ACMSD: variants seen among roughly 807,000 people sequenced by gnomAD.
ACMSD encodes the protein aminocarboxymuconate semialdehyde decarboxylase.
Under a neutral mutation model 45.9 loss-of-function variants are expected in ACMSD, and 37 were observed. The ratio of observed to expected loss-of-function variants is 0.81; its 90% CI spans 0.62 to 1.06. The LOEUF is 1.06. ACMSD is among the 50% of genes least tolerant of loss of function. ACMSD has a pLI of 0.00. For synonymous variants in ACMSD, 138 were observed against 148.8 expected (o/e 0.93, Z 0.53); for missense variants, 434 against 420.9 (o/e 1.03, Z -0.27).
chr2:134,867,800 CACTT>C, intron 6 of ACMSD, 128 bp downstream of exon 6: 1 of 635,280 alleles, frequency 1.6e-6, no homozygotes, highest in Non-Finnish European at 2.7e-6. Flanking sequence ...TAGCAGCTAT[CACTT>C]ACTGAGCTCT....
rs144211190 is a variant in ACMSD, at chr2:134,859,334, G to A, written c.176G>A (p.Arg59His). The A allele has an allele frequency of 2.2e-5, 35 of 1,613,912 alleles. No homozygotes were observed. Among genetic ancestry groups the A allele is most frequent in the Admixed American group, 5.0e-5 (3 of 60,002 alleles). The change falls in exon 3 of 10, where the codon CGT (arginine) becomes CAT (histidine). Residue 59 changes from arginine (R) to histidine (H), a missense_variant. By Grantham distance (29) the Arg-to-His change is conservative. Transcript: ENST00000356140. Reference sequence around the variant, plus strand: ...GAGAATTGCTGGGATCCAGAAGTTCGTATTAGAGAAATGGACCAAAAAGGT... The same window carrying A: ...GAGAATTGCTGGGATCCAGAAGTTCATATTAGAGAAATGGACCAAAAAGGT... ...VRENCWDPEV[R>H]IREMDQKGVT...
chr2:134,876,143 G>A (rs1252933401), intron 8 of ACMSD, among the ~76,000 whole-genome samples: 1 of 152,158 alleles, frequency 6.6e-6, no homozygotes, highest in Non-Finnish European at 1.5e-5. Context: ...GTTGCTCTGG[G>A]TGAGTCAGTA....
intron 8 of ACMSD, among the ~76,000 whole-genome samples, chr2:134,877,054 T>A (rs1189779617): frequency 6.6e-6 from 1 of 152,216 alleles, no homozygotes; most frequent in Non-Finnish European, 1.5e-5. Flanking sequence ...ATTACAGGCA[T>A]GAGCCACTGC....
At chr2:134,896,560 C>A (rs1690162822) in intron 8 of ACMSD, among the ~76,000 whole-genome samples, 2 of 152,100 alleles carry the variant, frequency 1.3e-5, no homozygotes, top group Non-Finnish European at 1.5e-5. Flanking sequence ...AGATGTTCAA[C>A]ATAATTACTT....
chr2:134,843,207 G>A (rs1472490091), intron 1 of ACMSD, among the ~76,000 whole-genome samples: 1 of 152,154 alleles, frequency 6.6e-6, no homozygotes, highest in Admixed American at 6.5e-5. Context: ...GGCATTGAAT[G>A]CATGAAGGGT....
At chr2:134,882,702 A>G (rs757049708) in intron 8 of ACMSD, among the ~76,000 whole-genome samples, 9 of 152,364 alleles carry the variant, frequency 5.9e-5, no homozygotes, top group Non-Finnish European at 1.0e-4. Flanking sequence ...ATAACAGAGT[A>G]TGCTGTATTT....
intron 8 of ACMSD, among the ~76,000 whole-genome samples, chr2:134,880,198 T>C (rs556973794): frequency 6.2e-4 from 94 of 152,220 alleles, no homozygotes; most frequent in African/African-American, 2.2e-3. Context: ...TGTTGGGTAA[T>C]GCAATGACAT....
intron 1 of ACMSD, among the ~76,000 whole-genome samples, chr2:134,843,417 G>C (rs1426964626): frequency 6.6e-6 from 1 of 152,198 alleles, no homozygotes; most frequent in Non-Finnish European, 1.5e-5. Context: ...AATAAGACTG[G>C]TATAGAATTA....
At chr2:134,892,178 A>G (rs1190117406) in intron 8 of ACMSD, among the ~76,000 whole-genome samples, 1 of 152,090 alleles carries the variant, frequency 6.6e-6, no homozygotes, top group Non-Finnish European at 1.5e-5. Flanking sequence ...CTTCACCATT[A>G]TGCAATATCT....
intron 8 of ACMSD, among the ~76,000 whole-genome samples, chr2:134,886,246 A>ATTATTATTTTGTTTTTTTTTTTTTTTTT: frequency 8.7e-6 from 1 of 115,476 alleles, no homozygotes; most frequent in African/African-American, 3.6e-5. Context: ...TATTATTATT[A>ATTATTATTTTGTTTTTTTTTTTTTTTTT]TTTTTTTTTT....
rs1017337774 is a variant in ACMSD, at chr2:134,871,014, A to G, written c.630A>G (p.Gly210=). The G allele has an allele frequency of 1.9e-6, 3 of 1,614,058 alleles. No homozygotes were observed. In the African/African-American group the frequency reaches 4.0e-5, roughly 22 times the overall value. The change falls in exon 7 of 10, where the codon GGA becomes GGG. Residue 210 remains glycine (G), a synonymous_variant. Transcript: ENST00000356140. The part of the protein sequence containing the change: ...TIAICSMIMG[G]VFEKFPKLKV... ...CCATTTGCTCCATGATCATGGGTGGAGTATTTGAGAAGTTTCCCAAACTGA... is the reference window on the plus strand; with the variant it reads ...CCATTTGCTCCATGATCATGGGTGGGGTATTTGAGAAGTTTCCCAAACTGA...
At chr2:134,878,367 T>C (rs1169031801) in intron 8 of ACMSD, among the ~76,000 whole-genome samples, 2 of 152,170 alleles carry the variant, frequency 1.3e-5, no homozygotes, top group African/African-American at 4.8e-5. Context: ...TGCTCTGTCA[T>C]CCTGGCTGGA....
intron 5 of ACMSD, among the ~76,000 whole-genome samples, chr2:134,865,339 A>G (rs1490414862): frequency 6.6e-6 from 1 of 152,224 alleles, no homozygotes; most frequent in Non-Finnish European, 1.5e-5. Context: ...TATGCATCCA[A>G]GTTGTTTCAG....
At chr2:134,884,666 T>C (rs1026937691) in intron 8 of ACMSD, among the ~76,000 whole-genome samples, 2 of 152,178 alleles carry the variant, frequency 1.3e-5, no homozygotes, top group Non-Finnish European at 2.9e-5. Flanking sequence ...TTTGGGACTT[T>C]AGGACTATTA....
intron 2 of ACMSD, among the ~76,000 whole-genome samples, chr2:134,849,304 T>C (rs1687220689): frequency 6.6e-6 from 1 of 152,048 alleles, no homozygotes; most frequent in Non-Finnish European, 1.5e-5. Context: ...ACAATGGTAA[T>C]CAAATAGGAC....
intron 5 of ACMSD, 196 bp from the exon 6 acceptor site, chr2:134,867,383 G>T (rs1688149422): frequency 5.2e-6 from 2 of 386,650 alleles, no homozygotes; most frequent in Non-Finnish European, 4.6e-6. Context: ...AATTCCAAGT[G>T]TCCCTTTTAT....
intron 8 of ACMSD, among the ~76,000 whole-genome samples, chr2:134,885,129 G>C (rs1227937677): frequency 1.3e-5 from 2 of 149,044 alleles, no homozygotes; most frequent in Non-Finnish European, 3.0e-5. Flanking sequence ...CTCGGAGGCA[G>C]AAGTTGCAGT....
intron 8 of ACMSD, among the ~76,000 whole-genome samples, chr2:134,875,213 A>G (rs1458983415): frequency 2.0e-5 from 3 of 152,108 alleles, no homozygotes; most frequent in Non-Finnish European, 4.4e-5. Context: ...GTTGCCCAGC[A>G]GGTCCTGGAC....
intron 6 of ACMSD, among the ~76,000 whole-genome samples, chr2:134,870,503 C>T (rs770108145): frequency 8.6e-5 from 13 of 152,042 alleles, no homozygotes; most frequent in African/African-American, 1.7e-4. Flanking sequence ...AAGTTCTGTC[C>T]GGGAACTTGG....
Sources: allele counts gnomAD v4.1 joint callset (sites outside exome capture counted in the v4.1 genomes callset), GRCh38; gene constraint gnomAD v4.1.1; transcripts MANE v1.5; gene names NCBI Gene and HGNC (gene_info 2026-07-23, HGNC 2026-07-21).